Variants in PGC observed in about 807,000 individuals in gnomAD.
The protein encoded by PGC is gastricsin.
A neutral mutation model predicts 45.9 loss-of-function variants in PGC; 31 were observed. The observed-to-expected ratio is 0.67, with a 90% confidence interval of 0.51 to 0.91. The LOEUF is 0.91. Among genes scored for constraint, PGC ranks in the 40% least tolerant of loss-of-function variants. The pLI is 0.00. For synonymous variants in PGC, 192 were observed against 201.8 expected, an observed-to-expected ratio of 0.95 and a Z score of 0.41; for missense variants, 477 against 493.2, an observed-to-expected ratio of 0.97 and a Z score of 0.31.
intron 5 of PGC, chr6:41,740,914 G>C: frequency 6.9e-7 from 1 of 1,455,630 alleles, no homozygotes; most frequent in Non-Finnish European, 9.0e-7. Context: ...GGGCTCCCTG[G>C]GGACTGGGAT....
chr6:41,739,980 C>T (rs1446171805), intron 6 of PGC, 34 bp from the exon 7 acceptor site: 2 of 1,603,652 alleles, frequency 1.2e-6, no homozygotes, highest in African/African-American at 1.3e-5. Context: ...CCTCAGGACT[C>T]CCCCAGTTCA....
chr6:41,740,657 G>T (rs2127289365), intron 5 of PGC, 47 bp from the exon 6 acceptor site: 3 of 1,551,980 alleles, frequency 1.9e-6, no homozygotes, highest in Middle Eastern at 1.7e-4. Context: ...CCATGGAAAA[G>T]GACTTTCCTC....
rs1372146550 is a variant in PGC, at chr6:41,742,466, G to A, written c.471C>T (p.Asn157=). 1 of 1,614,074 alleles carries A rather than the reference G, an allele frequency of 6.2e-7. No individual in the cohort carries two copies. The highest frequency in any genetic ancestry group is 8.5e-7 in the Non-Finnish European group (1 of 1,180,042). The change falls in exon 5 of 9, where the codon AAC becomes AAT. Residue 157 remains asparagine (N), a synonymous_variant. Coordinates refer to ENST00000373025, the MANE Select transcript of PGC (RefSeq NM_002630.4). ...TLTVQSIQVP[N]QEFGLSENEP... is the part of the protein sequence containing the mutation. ...CATTCTCACTCAAGCCGAACTCCTGGTTGGGGACCTGGATGCTCTGGACCT... is the reference window on the plus strand; with the variant it reads ...CATTCTCACTCAAGCCGAACTCCTGATTGGGGACCTGGATGCTCTGGACCT...
rs1474787819 is a variant in PGC at position 41,744,319 on chromosome 6, C to G, written c.328+78G>C. The G allele has an allele frequency of 1.2e-5, 12 of 989,570 alleles. 1 individual carries two copies. The highest frequency in any genetic ancestry group is 1.2e-5 in the Non-Finnish European group (8 of 644,456). The allele number at this position is 989,570 out of a possible 1,614,324, so 61.3% of individuals were successfully genotyped here. A position where few individuals can be genotyped will look rare whatever the true frequency, so the allele number is the denominator to read the frequency against. On this transcript the variant is annotated intron_variant, in intron 3 of 8. Coordinates refer to ENST00000373025, the MANE Select transcript of PGC (RefSeq NM_002630.4). The surrounding 1 kb of genome is among the most constrained non-coding windows in gnomAD (Gnocchi z 4.4). ...AGCTCCCCTCAGTCCTGAGCTCCCT[C>G]TGGAAGTTTGGCCCTCCCCAGAGGG... is the stretch of plus-strand genomic sequence containing the variant.
chr6:41,739,805 A>C lies in PGC; in HGVS notation c.909T>G (p.Tyr303Ter), dbSNP rs1771787611. ...LQATGAQEDE[Y>*]GQFLVNCNSI... ...ACACCCTCACCAGTCACACCTGTCC[A>C]TACTCATCCTCCTGGGCCCCTGTGG... The change falls in exon 7 of 9, where the codon TAT (tyrosine) becomes TAG (stop). Residue 303 changes from tyrosine to a stop codon, truncating the protein, a stop_gained. Coordinates refer to ENST00000373025, the MANE Select transcript of PGC (RefSeq NM_002630.4). LOFTEE classifies it high-confidence loss of function. 1.2e-6 allele frequency: 2 copies of C among 1,613,282 alleles called. No homozygotes were observed. The highest frequency in any genetic ancestry group is 1.7e-6 in the Non-Finnish European group (2 of 1,179,630).
At chr6:41,745,618 C>G (rs939266213) in intron 1 of PGC, among the ~76,000 whole-genome samples, 1 of 149,658 alleles carries the variant, frequency 6.7e-6, no homozygotes, top group East Asian at 2.0e-4. Flanking sequence ...GGCTTGATCT[C>G]GGCTCACCTC....
In PGC at chr6:41,741,031, G is replaced by A. The variant is rs555205832; in HGVS notation, c.648-421C>T. 2.4e-5 allele frequency: 37 copies of A among 1,536,916 alleles called. No individual in the cohort carries two copies. The African/African-American group carries it at 4.2e-4, about 18-fold the overall frequency. On this transcript the variant is annotated intron_variant, in intron 5 of 8. Coordinates refer to ENST00000373025, the MANE Select transcript of PGC (RefSeq NM_002630.4). ...GGTCCCCTAGTGGTTGGGACCCCCA[G>A]CCCACACTCTGCTCTCCTCTCCCCT...
Position 41,744,053 on chromosome 6 carries a change from G to A in PGC, c.328+344C>T, listed in dbSNP as rs1771880618. On this transcript the variant is annotated intron_variant, in intron 3 of 8. Coordinates refer to ENST00000373025, the MANE Select transcript of PGC (RefSeq NM_002630.4). The surrounding 1 kb of genome is among the most constrained non-coding windows in gnomAD (Gnocchi z 4.4). ...AGAATAGAATGGAGTAGAATGGAGT[G>A]GGATGGAGTGGGATGGAATGGACTG... 3.3e-5 allele frequency among the ~76,000 whole-genome samples: 5 copies of A among 152,132 alleles called. No individual in the cohort carries two copies. Among genetic ancestry groups the A allele is most frequent in the Admixed American group, 2.0e-4 (3 of 15,284 alleles).
intron 7 of PGC, among the ~76,000 whole-genome samples, chr6:41,738,205 TATATATATGC>T (rs1561879858): frequency 0.14 from 8,459 of 60,970 alleles, 1,406 homozygotes; most frequent in East Asian, 0.18. Context: ...TATATATGCA[TATATATATGC>T]ATATATATAT....
rs752551902 is a variant in PGC, at chr6:41,736,748, T to C, written c.*104A>G. 2.5e-6 allele frequency: 3 copies of C among 1,177,378 alleles called. No individual in the cohort carries two copies. The East Asian group carries it at 7.0e-5, about 27-fold the overall frequency. 72.9% of individuals were successfully genotyped at this position (1,177,378 alleles called of 1,614,324 possible). On this transcript the variant is annotated 3_prime_UTR_variant, in exon 9 of 9. Coordinates refer to ENST00000373025, the MANE Select transcript of PGC (RefSeq NM_002630.4). ...ATTTATTATTAGAGAAAGTCCAGAG[T>C]CCAGAAAAAGAAGGCTGAATCCAGA...
chr6:41,743,314 C>T lies in PGC; in HGVS notation c.404G>A (p.Gly135Asp). The change falls in exon 4 of 9, where the codon GGC becomes GAC. Residue 135 changes from glycine to aspartate, a missense_variant. Physicochemically the swap from Gly to Asp is moderately conservative, Grantham distance 94. Transcript: ENST00000373025. ...AAAGAAGCCGGTGAGGCTGCCACTG[C>T]CATACTGCAGGGAGAAGGTCTGCCC... Reference protein sequence around the residue: ...TNGQTFSLQYGSGSLTGFFGY... With the variant: ...TNGQTFSLQYDSGSLTGFFGY... 2 of 1,614,008 alleles carry T rather than the reference C, an allele frequency of 1.2e-6. No homozygotes were observed. The highest frequency in any genetic ancestry group is 1.7e-6 in the Non-Finnish European group (2 of 1,179,862).
At chr6:41,743,539 C>T (rs1186155762) in intron 3 of PGC, 150 bp from the exon 4 acceptor site, 2 of 659,682 alleles carry the variant, frequency 3.0e-6, no homozygotes, top group Non-Finnish European at 5.5e-6. Context: ...CAAGGGGTGG[C>T]ATTGGAAGGC....
intron 8 of PGC, 40 bp downstream of exon 8, chr6:41,737,690 C>T: frequency 7.8e-7 from 1 of 1,274,690 alleles, no homozygotes; most frequent in African/African-American, 1.5e-5. Context: ...TCCTCCCAAC[C>T]CCAATCATGG....
intron 5 of PGC, chr6:41,741,137 A>G: frequency 1.3e-6 from 2 of 1,537,042 alleles, no homozygotes; most frequent in Non-Finnish European, 1.7e-6. Context: ...GATTGGAGAC[A>G]GGTAGGGTCT....
intron 4 of PGC, 141 bp downstream of exon 4, chr6:41,743,130 C>T: frequency 1.4e-6 from 1 of 698,294 alleles, no homozygotes; most frequent in Non-Finnish European, 2.6e-6. Flanking sequence ...GGGGGAGTGA[C>T]TGAATGGACC....
intron 1 of PGC, among the ~76,000 whole-genome samples, chr6:41,745,696 A>T (rs1044914447): frequency 2.0e-5 from 3 of 151,380 alleles, no homozygotes; most frequent in African/African-American, 7.3e-5. Flanking sequence ...ATTACAGGCA[A>T]GGGCCACCAT....
chr6:41,741,056 T>C, intron 5 of PGC: 1 of 1,537,104 alleles, frequency 6.5e-7, no homozygotes, highest in Non-Finnish European at 8.7e-7. Flanking sequence ...TCCTCTCCCC[T>C]CCGCTTCCTG....
In PGC at chr6:41,736,725, T is replaced by C; in HGVS notation, c.*127A>G. Reference sequence around the variant, plus strand: ...GATGACCAACATAAAGAAGAACTATTTATTATTAGAGAAAGTCCAGAGTCC... The same window carrying C: ...GATGACCAACATAAAGAAGAACTATCTATTATTAGAGAAAGTCCAGAGTCC... On this transcript the variant is annotated 3_prime_UTR_variant, in exon 9 of 9. Transcript: ENST00000373025. The C allele has an allele frequency of 1.0e-6, 1 of 998,656 alleles. No individual in the cohort carries two copies. Among genetic ancestry groups the C allele is most frequent in the Non-Finnish European group, 1.6e-6 (1 of 629,994 alleles). 61.9% of individuals were successfully genotyped at this position (998,656 alleles called of 1,614,324 possible). A position where few individuals can be genotyped will look rare whatever the true frequency, so the allele number is the denominator to read the frequency against.
intron 5 of PGC, 95 bp from the exon 6 acceptor site, chr6:41,740,705 C>A: frequency 6.7e-7 from 1 of 1,498,572 alleles, no homozygotes; most frequent in Non-Finnish European, 8.9e-7. Context: ...GAGCTCCTTC[C>A]CTGATCCAGA....
Sources: gnomAD v4.1 joint callset for allele counts (sites outside exome capture counted in the v4.1 genomes callset) on GRCh38, gnomAD v4.1.1 for gene constraint, Gnocchi (gnomAD v3.1) non-coding constraint, MANE v1.5 for transcripts, NCBI Gene and HGNC (gene_info 2026-07-23, HGNC 2026-07-21) for gene names.